Variants in PDE4B observed in about 807,000 individuals in gnomAD.
PDE4B encodes 3',5'-cyclic-AMP phosphodiesterase 4B.
PDE4B carries 20 observed loss-of-function variants against 82.2 expected under a neutral mutation model. The observed-to-expected ratio is 0.24, with a 90% CI of 0.17 to 0.35. The LOEUF is 0.35. Ranked by LOEUF, PDE4B falls within the 10% of genes least tolerant of loss-of-function variation. The pLI is 1.00. For missense variants in PDE4B, 655 were observed against 907.2 expected, an observed-to-expected ratio of 0.72 and a Z score of 3.57; for synonymous variants, 320 against 318.9, an observed-to-expected ratio of 1.00 and a Z score of -0.04.
At chr1:66,041,990 G>A (rs2100830889) in intron 3 of PDE4B, among the ~76,000 whole-genome samples, 1 of 151,856 alleles carries the variant, frequency 6.6e-6, no homozygotes, top group South Asian at 2.1e-4. Flanking sequence ...TTTCAAAGGA[G>A]TTACTCTTCT....
intron 1 of PDE4B, among the ~76,000 whole-genome samples, chr1:65,803,222 G>A (rs1234111940): frequency 1.3e-5 from 2 of 152,078 alleles, no homozygotes; most frequent in African/African-American, 4.8e-5. Flanking sequence ...CAAGGCTAAT[G>A]GATTTCTTTT....
At chr1:66,273,300 G>C (rs1655643504) in intron 7 of PDE4B, among the ~76,000 whole-genome samples, 1 of 152,156 alleles carries the variant, frequency 6.6e-6, no homozygotes, top group Non-Finnish European at 1.5e-5. Flanking sequence ...CATATATGCT[G>C]TTTCTTCTAC....
intron 3 of PDE4B, among the ~76,000 whole-genome samples, chr1:66,115,040 C>A (rs1279194249): frequency 2.0e-5 from 3 of 152,096 alleles, no homozygotes; most frequent in East Asian, 3.8e-4. Context: ...TCAAAAAATT[C>A]TTTTATCTTT....
intron 1 of PDE4B, among the ~76,000 whole-genome samples, chr1:65,883,367 C>T (rs1482501979): frequency 1.3e-5 from 2 of 152,074 alleles, no homozygotes; most frequent in Non-Finnish European, 2.9e-5. Context: ...GAAGAGGTCC[C>T]TCACATCCCT....
intron 3 of PDE4B, among the ~76,000 whole-genome samples, chr1:66,011,813 A>G (rs1652502597): frequency 6.6e-6 from 1 of 152,140 alleles, no homozygotes; most frequent in Non-Finnish European, 1.5e-5. Context: ...TCACATACAT[A>G]CAATTTGTCA....
At chr1:66,010,404 CTT>C (rs982397306) in intron 3 of PDE4B, among the ~76,000 whole-genome samples, 25 of 151,760 alleles carry the variant, frequency 1.6e-4, no homozygotes, top group South Asian at 8.3e-4. Flanking sequence ...AGCAAGAAAA[CTT>C]AAATTCATAT....
chr1:66,252,850 G>T (rs1411441991), intron 4 of PDE4B, among the ~76,000 whole-genome samples: 2 of 152,148 alleles, frequency 1.3e-5, no homozygotes, highest in Non-Finnish European at 2.9e-5. Flanking sequence ...GAGATAGCAG[G>T]ATCACTTGAG....
intron 1 of PDE4B, among the ~76,000 whole-genome samples, chr1:65,866,168 CT>C (rs921993991): frequency 2.5e-4 from 38 of 151,522 alleles, no homozygotes; most frequent in Middle Eastern, 3.4e-3. Context: ...AAAACTCCAA[CT>C]TTTTTTTTAT....
Position 66,361,532 on chromosome 1 carries a change from T to C in PDE4B, c.842-83T>C. 5 of 1,037,112 alleles carry C rather than the reference T, an allele frequency of 4.8e-6. No individual in the cohort carries two copies. The Admixed American group carries it at 1.1e-4, about 23-fold the overall frequency. 64.2% of individuals were successfully genotyped at this position (1,037,112 alleles called of 1,614,324 possible). ...ATTTTATAAGATTCTAAAGCTGTTATAGATGGTTAGAGTTGTTTTGAATAT... is the reference window on the plus strand; with the variant it reads ...ATTTTATAAGATTCTAAAGCTGTTACAGATGGTTAGAGTTGTTTTGAATAT... On this transcript the variant is annotated intron_variant, in intron 9 of 16. Transcript: ENST00000341517.
chr1:66,141,912 A>G (rs1646180387), intron 3 of PDE4B, among the ~76,000 whole-genome samples: 1 of 152,162 alleles, frequency 6.6e-6, no homozygotes, highest in African/African-American at 2.4e-5. Flanking sequence ...GAACCCTCGC[A>G]CAGTTCCAAA....
intron 8 of PDE4B, among the ~76,000 whole-genome samples, chr1:66,343,257 A>T (rs527955335): frequency 1.3e-5 from 2 of 152,302 alleles, no homozygotes; most frequent in South Asian, 4.1e-4. Context: ...CCTCAATGTC[A>T]GAAAATCTAT....
At chr1:66,167,653 G>C (rs1290076985) in intron 3 of PDE4B, among the ~76,000 whole-genome samples, 1 of 152,066 alleles carries the variant, frequency 6.6e-6, no homozygotes, top group East Asian at 1.9e-4. Flanking sequence ...TATTTAAAAG[G>C]GAACTTAAGC....
At chr1:65,838,033 T>C (rs935839251) in intron 1 of PDE4B, among the ~76,000 whole-genome samples, 12 of 152,230 alleles carry the variant, frequency 7.9e-5, no homozygotes, top group Admixed American at 4.6e-4. Context: ...ACTTTGGATA[T>C]AAAACATCAT....
chr1:65,837,104 TA>T (rs1646148801), intron 1 of PDE4B, among the ~76,000 whole-genome samples: 1 of 151,924 alleles, frequency 6.6e-6, no homozygotes, highest in Non-Finnish European at 1.5e-5. Context: ...TTTTTTTTTT[TA>T]ATCATTAAGC....
chr1:66,110,469 GTGT>G (rs1645461346), intron 3 of PDE4B, among the ~76,000 whole-genome samples: 1 of 152,052 alleles, frequency 6.6e-6, no homozygotes, highest in Admixed American at 6.6e-5. Flanking sequence ...CAACTGGTCA[GTGT>G]TGTTGTGGAA....
intron 3 of PDE4B, among the ~76,000 whole-genome samples, chr1:66,224,239 C>A (rs1651241441): frequency 6.6e-6 from 1 of 152,250 alleles, no homozygotes; most frequent in Admixed American, 6.5e-5. Flanking sequence ...TTCCCCTCAA[C>A]CCCTCTCACA....
chr1:66,134,522 G>A (rs558774584), intron 3 of PDE4B, among the ~76,000 whole-genome samples: 28 of 152,284 alleles, frequency 1.8e-4, no homozygotes, highest in East Asian at 1.5e-3. Flanking sequence ...AGCGTCCAAA[G>A]GGTACCATTG....
At chr1:66,333,520 C>T (rs1432121571) in intron 8 of PDE4B, among the ~76,000 whole-genome samples, 1 of 152,172 alleles carries the variant, frequency 6.6e-6, no homozygotes, top group Non-Finnish European at 1.5e-5. Flanking sequence ...ACCATACCCT[C>T]ATAGGTGCAC....
intron 7 of PDE4B, among the ~76,000 whole-genome samples, chr1:66,302,080 G>A (rs1340184274): frequency 6.6e-6 from 1 of 152,138 alleles, no homozygotes; most frequent in Non-Finnish European, 1.5e-5. Context: ...TGAAAATGGG[G>A]AAAGCTAAAC....
Sources: allele counts gnomAD v4.1 joint callset (sites outside exome capture counted in the v4.1 genomes callset), GRCh38; gene constraint gnomAD v4.1.1; transcripts MANE v1.5; gene names NCBI Gene and HGNC (gene_info 2026-07-23, HGNC 2026-07-21).